SLC35G2: variants seen among roughly 807,000 people sequenced by gnomAD.
SLC35G2 encodes the protein transmembrane protein 22.
Under a neutral mutation model 27.2 loss-of-function variants are expected in SLC35G2, and 20 were observed. The ratio of observed to expected loss-of-function variants is 0.74; its 90% CI spans 0.52 to 1.07. The LOEUF (loss-of-function observed/expected upper bound fraction) is 1.07. Among genes scored for constraint, SLC35G2 ranks in the 50% least tolerant of loss-of-function variants. The pLI is 0.00. For missense variants in SLC35G2, 416 were observed against 493.3 expected (o/e 0.84, Z 1.48); for synonymous variants, 148 against 165.3 (o/e 0.90, Z 0.80).
rs7610507 is a variant in SLC35G2, at chr3:136,819,349, C to G, written c.-298C>G. The G allele has an allele frequency of 0.76, 115,620 of 152,432 alleles. 44,191 individuals carry two copies. The highest frequency in any genetic ancestry group is 0.92 in the East Asian group (4,764 of 5,180). 9.4% of individuals were successfully genotyped at this position (152,432 alleles called of 1,614,324 possible). On this transcript the variant is annotated 5_prime_UTR_variant, in exon 1 of 2. Coordinates refer to ENST00000446465, the MANE Select transcript of SLC35G2 (RefSeq NM_025246.3). ...GTTTAGCCGCCACACCTAAGGGGCACAACAGTCTTTTTGGGTAAGGGCCGG... is the reference window on the plus strand; with the variant it reads ...GTTTAGCCGCCACACCTAAGGGGCAGAACAGTCTTTTTGGGTAAGGGCCGG...
rs183506333 is a variant in SLC35G2 at position 136,819,741 on chromosome 3, A to G, written c.-19+113A>G. 6.6e-5 allele frequency: 10 copies of G among 152,332 alleles called. 1 individual carries two copies. Among genetic ancestry groups the G allele is most frequent in the Admixed American group, 5.2e-4 (8 of 15,296 alleles). 9.4% of individuals were successfully genotyped at this position (152,332 alleles called of 1,614,324 possible). The stretch of plus-strand genomic sequence containing the variant: ...GTATTTTCCATTACTCTCTTGTCTC[A>G]TGTCCATGACTCTTGAACGCCAGTC... On this transcript the variant is annotated intron_variant, in intron 1 of 1. Coordinates refer to ENST00000446465, the MANE Select transcript of SLC35G2 (RefSeq NM_025246.3).
At chr3:136,850,396 T>A (rs995548635) in intron 1 of SLC35G2, among the ~76,000 whole-genome samples, 41 of 152,194 alleles carry the variant, frequency 2.7e-4, no homozygotes, top group African/African-American at 9.2e-4. Flanking sequence ...AGTTTTTTTT[T>A]TAAACCTCTT....
chr3:136,839,715 AG>A (rs1292072004), intron 1 of SLC35G2, among the ~76,000 whole-genome samples: 2 of 152,112 alleles, frequency 1.3e-5, no homozygotes, highest in African/African-American at 2.4e-5. Context: ...TCCCTCCCAG[AG>A]CCAGCTGTTG....
intron 1 of SLC35G2, among the ~76,000 whole-genome samples, chr3:136,845,759 C>T (rs1937345645): frequency 6.6e-6 from 1 of 151,938 alleles, no homozygotes; most frequent in South Asian, 2.1e-4. Context: ...TCACGTCTAG[C>T]TAATTTTTGT....
At chr3:136,835,091 T>G (rs1311349952) in intron 1 of SLC35G2, among the ~76,000 whole-genome samples, 1 of 152,216 alleles carries the variant, frequency 6.6e-6, no homozygotes, top group African/African-American at 2.4e-5. Flanking sequence ...CACATTGATA[T>G]AATTCCACTA....
intron 1 of SLC35G2, chr3:136,837,225 G>C (rs1024099745): frequency 1.3e-5 from 2 of 152,020 alleles, no homozygotes; most frequent in African/African-American, 4.8e-5. Context: ...TTTCACCTCT[G>C]TTTTGGTTTA....
chr3:136,839,409 C>T (rs1202476556), intron 1 of SLC35G2, among the ~76,000 whole-genome samples: 1 of 152,182 alleles, frequency 6.6e-6, no homozygotes, highest in Non-Finnish European at 1.5e-5. Flanking sequence ...GCCAAACCAA[C>T]CTGCTTGTTT....
In SLC35G2 at chr3:136,855,368, T is replaced by C. The variant is rs767957440; in HGVS notation, c.908T>C (p.Met303Thr). 1.9e-6 allele frequency: 3 copies of C among 1,614,188 alleles called. No individual in the cohort carries two copies. The highest frequency in any genetic ancestry group is 2.5e-6 in the Non-Finnish European group (3 of 1,180,004). ...WTGTIWGIST[M>T]FILQEPIIPL... Reference sequence around the variant, plus strand: ...GGGACAATTTGGGGAATATCTACTATGTTTATTCTTCAAGAACCCATCATC... The same window carrying C: ...GGGACAATTTGGGGAATATCTACTACGTTTATTCTTCAAGAACCCATCATC... The change falls in exon 2 of 2, where the codon ATG (methionine) becomes ACG (threonine). Residue 303 changes from methionine to threonine, a missense_variant. By Grantham distance (81) the Met-to-Thr change is moderately conservative. Transcript: ENST00000446465.
intron 1 of SLC35G2, among the ~76,000 whole-genome samples, chr3:136,834,427 G>A (rs1230697349): frequency 7.9e-5 from 12 of 152,206 alleles, no homozygotes; most frequent in Admixed American, 7.2e-4. Context: ...TCTGCCTCCC[G>A]GGTTCAAGCG....
At chr3:136,824,561 T>C (rs1005444451) in intron 1 of SLC35G2, among the ~76,000 whole-genome samples, 4 of 152,190 alleles carry the variant, frequency 2.6e-5, no homozygotes, top group African/African-American at 9.7e-5. Flanking sequence ...GACTTTTGTA[T>C]GTTGATTTTG....
chr3:136,844,264 C>G (rs569637600), intron 1 of SLC35G2, among the ~76,000 whole-genome samples: 4 of 151,542 alleles, frequency 2.6e-5, no homozygotes, highest in Non-Finnish European at 5.9e-5. Context: ...CCGAGGCGGG[C>G]GGATCATGAG....
rs761690780 is a variant in SLC35G2 at position 136,855,813 on chromosome 3, TAATA to T, written c.*115_*118del. On this transcript the variant is annotated 3_prime_UTR_variant, in exon 2 of 2. Transcript: ENST00000446465. ...AACTGACAGAGTGCTATAAAATATA[TAATA>T]TATACAAATGCAGAAAATTTATTCT... The T allele has an allele frequency of 6.5e-5, 49 of 758,598 alleles. No individual in the cohort carries two copies. Among genetic ancestry groups the T allele is most frequent in the Non-Finnish European group, 1.0e-4 (49 of 470,610 alleles). 47.0% of individuals were successfully genotyped at this position (758,598 alleles called of 1,614,324 possible).
At chr3:136,830,146 G>A (rs1936691573) in intron 1 of SLC35G2, among the ~76,000 whole-genome samples, 1 of 113,984 alleles carries the variant, frequency 8.8e-6, no homozygotes, top group Admixed American at 1.3e-4. Context: ...GTCTCCCTCT[G>A]TCACCAGGCT....
chr3:136,824,882 A>G (rs1474613558), intron 1 of SLC35G2, among the ~76,000 whole-genome samples: 2 of 151,986 alleles, frequency 1.3e-5, no homozygotes, highest in African/African-American at 4.8e-5. Context: ...TATTTCTCCT[A>G]ATGTTATCCC....
At chr3:136,830,771 T>C (rs931463947) in intron 1 of SLC35G2, among the ~76,000 whole-genome samples, 4 of 152,228 alleles carry the variant, frequency 2.6e-5, no homozygotes, top group African/African-American at 9.6e-5. Flanking sequence ...TATTTTCAAA[T>C]GGCCTGTCTT....
chr3:136,852,863 A>G (rs1243215528), intron 1 of SLC35G2, among the ~76,000 whole-genome samples: 1 of 152,124 alleles, frequency 6.6e-6, no homozygotes, highest in Non-Finnish European at 1.5e-5. Context: ...AAGGAAGGAA[A>G]GAAAGAACCA....
intron 1 of SLC35G2, among the ~76,000 whole-genome samples, chr3:136,845,358 G>C (rs1374300031): frequency 6.6e-6 from 1 of 152,164 alleles, no homozygotes. Context: ...GGAACCACTG[G>C]GAATTTCCTG....
At chr3:136,849,031 T>G (rs1041220244) in intron 1 of SLC35G2, among the ~76,000 whole-genome samples, 1 of 151,914 alleles carries the variant, frequency 6.6e-6, no homozygotes, top group African/African-American at 2.4e-5. Context: ...AATACAAAAT[T>G]AGCCGGGCGT....
At chr3:136,824,037 A>G (rs1936524637) in intron 1 of SLC35G2, among the ~76,000 whole-genome samples, 1 of 152,004 alleles carries the variant, frequency 6.6e-6, no homozygotes, top group South Asian at 2.1e-4. Context: ...CTGTAGCTGT[A>G]TGGATTTATT....
Sources: gnomAD v4.1 joint callset for allele counts (sites outside exome capture counted in the v4.1 genomes callset) on GRCh38, gnomAD v4.1.1 for gene constraint, MANE v1.5 for transcripts, NCBI Gene and HGNC (gene_info 2026-07-23, HGNC 2026-07-21) for gene names.